SHQ1: variants seen among roughly 807,000 people sequenced by gnomAD.
The protein encoded by SHQ1 is SHQ1, H/ACA ribonucleoprotein assembly factor, also known as protein SHQ1 homolog.
SHQ1 carries 49 observed loss-of-function variants against 53.8 expected under a neutral mutation model. That is an observed-to-expected ratio of 0.91 (90% CI 0.72 to 1.16). The LOEUF is 1.16. SHQ1 is among the 50% of genes most tolerant of loss of function. The pLI, the probability that SHQ1 is intolerant of heterozygous loss-of-function variation, is 0.00. For synonymous variants in SHQ1, 243 were observed against 251.0 expected (o/e 0.97, Z 0.30); for missense variants, 738 against 683.1 (o/e 1.08, Z -0.90).
At chr3:72,791,277 A>G (rs1277004727) in intron 10 of SHQ1, among the ~76,000 whole-genome samples, 1 of 152,252 alleles carries the variant, frequency 6.6e-6, no homozygotes, top group African/African-American at 2.4e-5. Flanking sequence ...GCAGCAGGGT[A>G]TTTGATAAGC....
chr3:72,822,864 T>C (rs1039210100), intron 6 of SHQ1, among the ~76,000 whole-genome samples: 2 of 152,088 alleles, frequency 1.3e-5, no homozygotes, highest in Non-Finnish European at 2.9e-5. Context: ...AAAGAGTCAC[T>C]ATAGGCCGGG....
Position 72,809,018 on chromosome 3 carries a change from C to T in SHQ1, c.1060+3653G>A, listed in dbSNP as rs999003411. Among the ~76,000 whole-genome samples the T allele has an allele frequency of 5.9e-5, 9 of 151,848 alleles. No homozygotes were observed. In the East Asian group the frequency reaches 1.7e-3, roughly 29 times the overall value. On this transcript the variant is annotated intron_variant, in intron 9 of 10. Transcript: ENST00000325599. Reference sequence around the variant, plus strand: ...GGAGGTGCTTTTCTGTTACCTTAAACCAAGAGAAAGGGGGTTTTAAGAGGC... The same window carrying T: ...GGAGGTGCTTTTCTGTTACCTTAAATCAAGAGAAAGGGGGTTTTAAGAGGC...
intron 10 of SHQ1, among the ~76,000 whole-genome samples, chr3:72,759,906 C>T (rs1048914849): frequency 9.9e-5 from 15 of 152,104 alleles, no homozygotes; most frequent in African/African-American, 3.6e-4. Context: ...ACATTCATCA[C>T]TTCATGTTGG....
the SHQ1 span, among the ~76,000 whole-genome samples, chr3:72,738,508 T>C: frequency 1.3e-5 from 2 of 152,096 alleles, no homozygotes; most frequent in Non-Finnish European, 2.9e-5. Context: ...AATTTAGGGA[T>C]CTGCTTCGCG....
chr3:72,800,863 T>G (rs140085773), intron 9 of SHQ1, among the ~76,000 whole-genome samples: 2 of 152,340 alleles, frequency 1.3e-5, no homozygotes, highest in East Asian at 3.9e-4. Context: ...TGTACAAACT[T>G]TATTACATCA....
rs200834161 is a variant in SHQ1, at chr3:72,778,526, CTTTCA to C, written c.1181+14385_1181+14389del. On this transcript the variant is annotated intron_variant, in intron 10 of 10. Transcript: ENST00000325599. ...CATGAATATTCAGTTCATTACTATT[CTTTCA>C]TTTGTGTAATTGTATACACTTAATT... 1.6e-3 allele frequency among the ~76,000 whole-genome samples: 246 copies of C among 152,084 alleles called. 3 individuals carry two copies. The East Asian group carries it at 0.038, about 24-fold the overall frequency.
chr3:72,730,782 ATCTCTC>A, the SHQ1 span, among the ~76,000 whole-genome samples: 6 of 149,164 alleles, frequency 4.0e-5, no homozygotes, highest in South Asian at 8.5e-4. Flanking sequence ...AAATGTGTCA[ATCTCTC>A]TCTCTCTCTC....
intron 10 of SHQ1, among the ~76,000 whole-genome samples, chr3:72,780,245 A>G (rs764667987): frequency 1.3e-5 from 2 of 152,222 alleles, no homozygotes; most frequent in Non-Finnish European, 2.9e-5. Flanking sequence ...TAGAATTGTG[A>G]AAGCTTGACC....
At chr3:72,743,647 CG>C in the SHQ1 span, among the ~76,000 whole-genome samples, 1 of 152,150 alleles carries the variant, frequency 6.6e-6, no homozygotes, top group Non-Finnish European at 1.5e-5. Flanking sequence ...AAAGAGCTGT[CG>C]AGTGTTTGAT....
At chr3:72,788,572 G>C (rs1340730298) in intron 10 of SHQ1, among the ~76,000 whole-genome samples, 1 of 152,214 alleles carries the variant, frequency 6.6e-6, no homozygotes, top group East Asian at 1.9e-4. Context: ...ACCCCGTCTG[G>C]GAGGTGTACC....
At chr3:72,765,561 T>A (rs58439449) in intron 10 of SHQ1, among the ~76,000 whole-genome samples, 2,199 of 120,826 alleles carry the variant, frequency 0.018, 22 homozygotes, top group African/African-American at 0.035. Context: ...ATATATATTT[T>A]TTTTTTTTTT....
In SHQ1 at chr3:72,838,324, C is replaced by G. The variant is rs551419893; in HGVS notation, c.486+2721G>C. On this transcript the variant is annotated intron_variant, in intron 4 of 10. Coordinates refer to ENST00000325599, the MANE Select transcript of SHQ1 (RefSeq NM_018130.3). ...AGTATACTATTTACGTTATAAAACC[C>G]TTAGAGTTTTCCCAAATGCTCAGTT... Among the ~76,000 whole-genome samples, 17 of 152,234 alleles carry G rather than the reference C, an allele frequency of 1.1e-4. 1 individual carries two copies. The highest frequency in any genetic ancestry group is 3.3e-4 in the Admixed American group (5 of 15,296).
intron 6 of SHQ1, among the ~76,000 whole-genome samples, chr3:72,821,922 AG>A (rs1348356544): frequency 1.3e-5 from 2 of 152,242 alleles, no homozygotes. Context: ...CTTGTTAACA[AG>A]GAACTTTCCC....
intron 6 of SHQ1, among the ~76,000 whole-genome samples, chr3:72,820,997 CCCT>C (rs1707458863): frequency 6.6e-6 from 1 of 152,158 alleles, no homozygotes; most frequent in Non-Finnish European, 1.5e-5. Context: ...CTCTAAATCC[CCCT>C]CCCAAACATC....
intron 10 of SHQ1, among the ~76,000 whole-genome samples, chr3:72,788,926 G>A (rs527965662): frequency 6.6e-6 from 1 of 151,784 alleles, no homozygotes; most frequent in Non-Finnish European, 1.5e-5. Flanking sequence ...AAGTACCCAG[G>A]GACACAAACA....
Position 72,750,443 on chromosome 3 carries a change from T to C in SHQ1, c.1575A>G (p.Pro525=), listed in dbSNP as rs748163595. 14 of 1,614,092 alleles carry C rather than the reference T, an allele frequency of 8.7e-6. No homozygotes were observed. In the South Asian group the frequency reaches 1.2e-4, roughly 14 times the overall value. ...IQESDASQGK[P]LASSWPLGVS... ...CTCCAAGAGGCCAGGAAGAGGCAAG[T>C]GGCTTTCCCTGACTGGCATCAGACT... The change falls in exon 11 of 11, where the codon CCA becomes CCG. Residue 525 remains proline, a synonymous_variant. Coordinates refer to ENST00000325599, the MANE Select transcript of SHQ1 (RefSeq NM_018130.3).
At chr3:72,771,650 G>C (rs1185004856) in intron 10 of SHQ1, among the ~76,000 whole-genome samples, 1 of 152,194 alleles carries the variant, frequency 6.6e-6, no homozygotes, top group African/African-American at 2.4e-5. Flanking sequence ...AAAGGGAGGG[G>C]TTGAGGGACA....
intron 5 of SHQ1, among the ~76,000 whole-genome samples, chr3:72,827,642 T>C (rs570165547): frequency 2.0e-5 from 3 of 152,262 alleles, no homozygotes; most frequent in Admixed American, 2.0e-4. Context: ...TGTCCATGAA[T>C]TAAGAGTTTC....
chr3:72,812,539 T>C, intron 9 of SHQ1, 132 bp downstream of exon 9: 2 of 948,694 alleles, frequency 2.1e-6, no homozygotes, highest in East Asian at 2.6e-5. Context: ...TTCTATACTT[T>C]AAAAGTGGTT....
Sources: allele counts gnomAD v4.1 joint callset (sites outside exome capture counted in the v4.1 genomes callset), GRCh38; gene constraint gnomAD v4.1.1; transcripts MANE v1.5; gene names NCBI Gene and HGNC (gene_info 2026-07-23, HGNC 2026-07-21).